Variants in APBA1 observed in about 807,000 individuals in gnomAD.
APBA1 encodes amyloid beta precursor protein binding family A member 1.
Under a neutral mutation model 86.6 loss-of-function variants are expected in APBA1, and 55 were observed. That is an observed-to-expected ratio of 0.64 (90% CI 0.51 to 0.80). The LOEUF (loss-of-function observed/expected upper bound fraction) is 0.80. APBA1 is among the 30% of genes least tolerant of loss of function. APBA1 has a pLI of 0.00. For missense variants in APBA1, 1,090 were observed against 1,183.0 expected (o/e 0.92, Z 1.15); for synonymous variants, 511 against 493.9 (o/e 1.03, Z -0.46).
chr9:69,641,327 G>T (rs1823283185), intron 1 of APBA1, among the ~76,000 whole-genome samples: 1 of 152,104 alleles, frequency 6.6e-6, no homozygotes, highest in Non-Finnish European at 1.5e-5. Flanking sequence ...CATCAATTAT[G>T]CCCCAAATGA....
Position 69,476,040 on chromosome 9 carries a change from C to T in APBA1, c.1296+8G>A. 6.2e-7 allele frequency: 1 copy of T among 1,612,352 alleles called. No homozygotes were observed. Among genetic ancestry groups the T allele is most frequent in the South Asian group, 1.1e-5 (1 of 90,988 alleles). On this transcript the variant is annotated splice_region_variant and intron_variant, in intron 3 of 12. Coordinates refer to ENST00000265381, the MANE Select transcript of APBA1 (RefSeq NM_001163.4). ...CCCAATGGCTTTGGTAACAAAACAG[C>T]ACCCTACCTCTTTATTAGTGGACGC...
At chr9:69,473,687 T>TA (rs1291860864) in intron 3 of APBA1, among the ~76,000 whole-genome samples, 5 of 151,668 alleles carry the variant, frequency 3.3e-5, no homozygotes, top group African/African-American at 4.8e-5. Flanking sequence ...GAAGTATAAT[T>TA]AAAAAAATTA....
intron 1 of APBA1, among the ~76,000 whole-genome samples, chr9:69,658,234 T>C (rs138438162): frequency 0.028 from 505 of 18,044 alleles, 7 homozygotes; most frequent in Non-Finnish European, 0.046. Flanking sequence ...CTTTCTTTCT[T>C]TCTTTCTTTC....
intron 1 of APBA1, among the ~76,000 whole-genome samples, chr9:69,632,135 A>G (rs1823059935): frequency 6.6e-6 from 1 of 152,130 alleles, no homozygotes; most frequent in Non-Finnish European, 1.5e-5. Flanking sequence ...AAGAAAAATA[A>G]TATTAAAGGG....
At chr9:69,599,088 G>A (rs555520296) in intron 1 of APBA1, among the ~76,000 whole-genome samples, 3 of 152,266 alleles carry the variant, frequency 2.0e-5, no homozygotes, top group East Asian at 3.9e-4. Flanking sequence ...AGGGGAAGTT[G>A]TTTAACGAGT....
intron 2 of APBA1, among the ~76,000 whole-genome samples, chr9:69,506,433 A>G (rs1054297964): frequency 8.1e-5 from 9 of 111,146 alleles, no homozygotes; most frequent in South Asian, 3.5e-4. Flanking sequence ...ACGGAGTCTC[A>G]CTGATTGCTA....
At chr9:69,566,088 C>T (rs753321876) in intron 1 of APBA1, among the ~76,000 whole-genome samples, 8 of 152,228 alleles carry the variant, frequency 5.3e-5, no homozygotes, top group East Asian at 1.9e-4. Context: ...GGCCAGCCTC[C>T]GCTCATTCTC....
rs1046302952 is a variant in APBA1 at position 69,467,956 on chromosome 9, C to T, written c.1349G>A (p.Cys450Tyr). Residue 450 changes from cysteine (C) to tyrosine (Y), a missense_variant, in exon 5 of 13, where the codon TGC (cysteine) becomes TAC (tyrosine). Coordinates refer to ENST00000265381, the MANE Select transcript of APBA1 (RefSeq NM_001163.4). ...FPTYVEVPGP[C>Y]DPEDLIDGII... The stretch of plus-strand genomic sequence containing the variant: ...TCCATCGATCAAGTCTTCGGGGTCG[C>T]AGGGTCCCGGAACTGTAACACATAG... 5 of 1,614,102 alleles carry T rather than the reference C, an allele frequency of 3.1e-6. No individual in the cohort carries two copies. The highest frequency in any genetic ancestry group is 4.2e-6 in the Non-Finnish European group (5 of 1,180,000).
chr9:69,518,744 A>G (rs1442911523), intron 1 of APBA1, among the ~76,000 whole-genome samples: 1 of 152,134 alleles, frequency 6.6e-6, no homozygotes, highest in Non-Finnish European at 1.5e-5. Flanking sequence ...ACTCTTAAAT[A>G]TGATAACAGA....
intron 1 of APBA1, among the ~76,000 whole-genome samples, chr9:69,651,839 C>T (rs1193601225): frequency 1.3e-5 from 2 of 152,164 alleles, no homozygotes; most frequent in African/African-American, 4.8e-5. Context: ...GAAGAGTTGG[C>T]AGAGTGCTCC....
intron 10 of APBA1, 115 bp downstream of exon 10, chr9:69,449,469 T>C: frequency 1.0e-6 from 1 of 977,560 alleles, no homozygotes; most frequent in African/African-American, 1.6e-5. Context: ...TGTTTGTGTC[T>C]TCCTTGGTGC....
At chr9:69,500,183 T>C (rs553268950) in intron 2 of APBA1, among the ~76,000 whole-genome samples, 4 of 152,122 alleles carry the variant, frequency 2.6e-5, no homozygotes, top group Admixed American at 1.3e-4. Context: ...GGGATCTGAA[T>C]GCTGAGGACA....
intron 2 of APBA1, among the ~76,000 whole-genome samples, chr9:69,489,652 A>T (rs1176301206): frequency 6.6e-6 from 1 of 152,146 alleles, no homozygotes; most frequent in Non-Finnish European, 1.5e-5. Context: ...ACCCCATCAA[A>T]AAGTGGGCGA....
chr9:69,654,129 A>G (rs548585932), intron 1 of APBA1, among the ~76,000 whole-genome samples: 1 of 151,714 alleles, frequency 6.6e-6, no homozygotes, highest in Non-Finnish European at 1.5e-5. Context: ...AAAAAAAAAA[A>G]AAAAGAGGGA....
At chr9:69,451,842 G>A (rs1380127041) in intron 9 of APBA1, among the ~76,000 whole-genome samples, 1 of 152,214 alleles carries the variant, frequency 6.6e-6, no homozygotes, top group Admixed American at 6.5e-5. Flanking sequence ...TACAAGCAGA[G>A]TTCAGGTCCT....
At chr9:69,593,375 T>C (rs1252531591) in intron 1 of APBA1, among the ~76,000 whole-genome samples, 1 of 152,224 alleles carries the variant, frequency 6.6e-6, no homozygotes, top group Non-Finnish European at 1.5e-5. Context: ...GGGGTTGCTT[T>C]GACAGGAAAA....
rs142998788 is a variant in APBA1 at position 69,516,380 on chromosome 9, C to T, written c.831G>A (p.Val277=). 6.3e-5 allele frequency: 101 copies of T among 1,602,782 alleles called. No individual in the cohort carries two copies. Among genetic ancestry groups the T allele is most frequent in the Non-Finnish European group, 7.9e-5 (93 of 1,178,540 alleles). ...EEDIDQIVAE[V]KQSMSSQSLD... The stretch of plus-strand genomic sequence containing the variant: ...GGCTCTGCGAGCTCATGCTCTGCTT[C>T]ACCTCGGCCACTATCTGGTCGATGT... The change falls in exon 2 of 13, where the codon GTG becomes GTA. Residue 277 remains valine (V), a synonymous_variant. Coordinates refer to ENST00000265381, the MANE Select transcript of APBA1 (RefSeq NM_001163.4). The surrounding 1 kb of genome is among the most constrained non-coding windows in gnomAD (Gnocchi z 7.3).
intron 1 of APBA1, among the ~76,000 whole-genome samples, chr9:69,666,544 C>G (rs529819838): frequency 2.0e-3 from 306 of 152,274 alleles, no homozygotes; most frequent in African/African-American, 7.2e-3. Context: ...TCCCCCCACC[C>G]CATATTCCTT....
chr9:69,536,796 C>T (rs1261598811), intron 1 of APBA1, among the ~76,000 whole-genome samples: 1 of 149,880 alleles, frequency 6.7e-6, no homozygotes, highest in African/African-American at 2.4e-5. Context: ...AGAAGAATTG[C>T]TTGAATTCAG....
Sources: allele counts gnomAD v4.1 joint callset (sites outside exome capture counted in the v4.1 genomes callset), GRCh38; gene constraint gnomAD v4.1.1; non-coding constraint Gnocchi (gnomAD v3.1); transcripts MANE v1.5; gene names NCBI Gene and HGNC (gene_info 2026-07-23, HGNC 2026-07-21).